The following VCPIP1 variants were observed in gnomAD, a reference collection of about 807,000 sequenced individuals.
VCPIP1 encodes the protein valosin containing protein interacting protein 1.
Under a neutral mutation model 85.0 loss-of-function variants are expected in VCPIP1, and 8 were observed. That is an observed-to-expected ratio of 0.09 (90% CI 0.06 to 0.17). VCPIP1 has a LOEUF of 0.17. Ranked by LOEUF, VCPIP1 falls within the 10% of genes least tolerant of loss-of-function variation. The pLI, the probability that VCPIP1 is intolerant of heterozygous loss-of-function variation, is 1.00. For synonymous variants in VCPIP1, 543 were observed against 544.5 expected (o/e 1.00, Z 0.04); for missense variants, 1,070 against 1,486.3 (o/e 0.72, Z 4.61).
intron 2 of VCPIP1, among the ~76,000 whole-genome samples, chr8:66,650,741 T>C (rs1811044121): frequency 6.6e-6 from 1 of 151,728 alleles, no homozygotes; most frequent in Non-Finnish European, 1.5e-5. Flanking sequence ...TCTTTAGTTG[T>C]TAGGAATCAT....
Position 66,666,605 on chromosome 8 carries a change from C to T in VCPIP1, c.354G>A (p.Lys118=), listed in dbSNP as rs139606230. The change falls in exon 1 of 3, where the codon AAG becomes AAA. Residue 118 remains lysine (K), a synonymous_variant. Coordinates refer to ENST00000310421, the MANE Select transcript of VCPIP1 (RefSeq NM_025054.5). This position sits in a 1 kb window ranked among gnomAD's most constrained non-coding sequence, Gnocchi z 6.3. ...AGTGATAGTTGGAAAGGCCCATCAC[C>T]TTTACCAGTTCCGTGTTCTTCTTGG... The part of the protein sequence containing the change: ...GAPKKNTELV[K]VMGLSNYHCK... 4.3e-5 allele frequency: 69 copies of T among 1,614,186 alleles called. No individual in the cohort carries two copies. The highest frequency in any genetic ancestry group is 2.5e-4 in the East Asian group (11 of 44,878).
chr8:66,636,501 T>C (rs921578720), intron 2 of VCPIP1, among the ~76,000 whole-genome samples: 1 of 151,954 alleles, frequency 6.6e-6, no homozygotes, highest in African/African-American at 2.4e-5. Flanking sequence ...TCCCAGCACT[T>C]TGGGAGGCCA....
intron 2 of VCPIP1, among the ~76,000 whole-genome samples, chr8:66,638,936 T>TTCTCTCTCTCTCTCTCTCTCTCTCTC (rs750894538): frequency 3.0e-5 from 4 of 131,628 alleles, no homozygotes; most frequent in Admixed American, 7.7e-5. Flanking sequence ...CAAGAAAACT[T>TTCTCTCTCTCTCTCTCTCTCTCTCTC]TCTCTCTCTC....
chr8:66,662,063 G>A (rs1811163601), intron 1 of VCPIP1, among the ~76,000 whole-genome samples: 1 of 151,964 alleles, frequency 6.6e-6, no homozygotes, highest in Non-Finnish European at 1.5e-5. Context: ...CACCGTGACT[G>A]GCTCTGATCA....
chr8:66,637,930 C>A (rs944102295), intron 2 of VCPIP1, among the ~76,000 whole-genome samples: 3 of 152,150 alleles, frequency 2.0e-5, no homozygotes, highest in Non-Finnish European at 2.9e-5. Context: ...CAAGACCGTG[C>A]CATTGCACTC....
intron 2 of VCPIP1, among the ~76,000 whole-genome samples, chr8:66,639,520 A>C (rs1810927341): frequency 1.3e-5 from 2 of 151,000 alleles, no homozygotes; most frequent in African/African-American, 2.4e-5. Flanking sequence ...ATACACAACA[A>C]ATTTTTGCAT....
At chr8:66,640,218 A>G (rs1810933705) in intron 2 of VCPIP1, among the ~76,000 whole-genome samples, 2 of 152,222 alleles carry the variant, frequency 1.3e-5, no homozygotes, top group Admixed American at 1.3e-4. Context: ...GCTGTGTTAT[A>G]GTCAGAATTT....
rs1235296329 is a variant in VCPIP1 at position 66,664,406 on chromosome 8, T to C, written c.2553A>G (p.Leu851=). ...ACTGACCACCTTCAGCTTTACTTTT[T>C]AGAATTTCTATTGTAATTCTGTCGC... ...QHGDRITIEI[L]KSKAEGGQSA... Residue 851 remains leucine (L), a synonymous_variant, in exon 1 of 3, where the codon CTA becomes CTG. Transcript: ENST00000310421. The C allele has an allele frequency of 3.7e-6, 6 of 1,613,838 alleles. No individual in the cohort carries two copies. The Admixed American group carries it at 5.0e-5, about 13-fold the overall frequency.
intron 2 of VCPIP1, among the ~76,000 whole-genome samples, chr8:66,645,999 C>T (rs1289931089): frequency 6.6e-6 from 1 of 152,016 alleles, no homozygotes; most frequent in Non-Finnish European, 1.5e-5. Context: ...TATCAACTGT[C>T]CCCAATTTGA....
Position 66,664,448 on chromosome 8 carries a change from T to G in VCPIP1, c.2511A>C (p.Pro837=), listed in dbSNP as rs142431604. The change falls in exon 1 of 3, where the codon CCA becomes CCC. Residue 837 remains proline (P), a synonymous_variant. Coordinates refer to ENST00000310421, the MANE Select transcript of VCPIP1 (RefSeq NM_025054.5). ...MPPQAGMEKE[P]VPLQHGDRIT... ...TTCTGTCGCCATGCTGTAAAGGAAC[T>G]GGTTCCTTTTCCATTCCTGCCTGTG... 1 of 1,613,798 alleles carries G rather than the reference T, an allele frequency of 6.2e-7. No individual in the cohort carries two copies. Among genetic ancestry groups the G allele is most frequent in the Non-Finnish European group, 8.5e-7 (1 of 1,179,780 alleles).
intron 1 of VCPIP1, among the ~76,000 whole-genome samples, chr8:66,661,230 G>C (rs1425228699): frequency 6.6e-6 from 1 of 152,122 alleles, no homozygotes; most frequent in Non-Finnish European, 1.5e-5. Context: ...TTTTGTGTTG[G>C]TAGTGGAAGA....
chr8:66,656,931 A>C (rs1035337184), intron 1 of VCPIP1, among the ~76,000 whole-genome samples: 1 of 151,878 alleles, frequency 6.6e-6, no homozygotes, highest in Non-Finnish European at 1.5e-5. Context: ...TTTGAGACAG[A>C]ATCTTGCTCT....
Position 66,666,753 on chromosome 8 carries a change from T to G in VCPIP1, c.206A>C (p.Glu69Ala). Residue 69 changes from glutamate to alanine, a missense_variant, in exon 1 of 3, where the codon GAG becomes GCG. Glu to Ala is a moderately radical substitution (Grantham distance 107). Around this residue, in one of 8 missense-constraint regions of VCPIP1, gnomAD observed 164 missense variants for 158.6 expected, o/e 1.03. Coordinates refer to ENST00000310421, the MANE Select transcript of VCPIP1 (RefSeq NM_025054.5). The surrounding 1 kb of genome is among the most constrained non-coding windows in gnomAD (Gnocchi z 6.3). ...FFPASGSVSIECTECGQRHEQ... is the reference protein window; with the variant it reads ...FFPASGSVSIACTECGQRHEQ... ...GTGCCGCTGGCCGCACTCGGTACACTCGATGCTGACAGAACCGGAGGCCGG... is the reference window on the plus strand; with the variant it reads ...GTGCCGCTGGCCGCACTCGGTACACGCGATGCTGACAGAACCGGAGGCCGG... 6.2e-7 allele frequency: 1 copy of G among 1,613,930 alleles called. No individual in the cohort carries two copies. Among genetic ancestry groups the G allele is most frequent in the East Asian group, 2.2e-5 (1 of 44,870 alleles).
intron 2 of VCPIP1, among the ~76,000 whole-genome samples, chr8:66,636,358 A>G (rs1286646251): frequency 6.6e-6 from 1 of 152,116 alleles, no homozygotes; most frequent in African/African-American, 2.4e-5. Context: ...AGTATTACTT[A>G]CAATGAAACA....
Position 66,634,720 on chromosome 8 carries a change from A to C in VCPIP1, c.3450T>G (p.Ser1150=). The C allele has an allele frequency of 1.2e-6, 2 of 1,614,246 alleles. No individual in the cohort carries two copies. Among genetic ancestry groups the C allele is most frequent in the Non-Finnish European group, 1.7e-6 (2 of 1,180,040 alleles). Residue 1150 remains serine (S), a synonymous_variant, in exon 3 of 3, where the codon TCT becomes TCG. Coordinates refer to ENST00000310421, the MANE Select transcript of VCPIP1 (RefSeq NM_025054.5). ...KTEVVSSSAK[S]GSLQTGLPES... ...CAGGCAAACCAGTCTGAAGACTCCCAGACTTTGCAGAAGAACTCACAACTT... is the reference window on the plus strand; with the variant it reads ...CAGGCAAACCAGTCTGAAGACTCCCCGACTTTGCAGAAGAACTCACAACTT...
At chr8:66,646,947 C>T (rs1204463467) in intron 2 of VCPIP1, among the ~76,000 whole-genome samples, 2 of 152,090 alleles carry the variant, frequency 1.3e-5, no homozygotes, top group African/African-American at 4.8e-5. Flanking sequence ...ATCACTTGAA[C>T]CCAGGAGGCA....
chr8:66,656,998 C>T (rs776767076), intron 1 of VCPIP1, among the ~76,000 whole-genome samples: 29 of 152,186 alleles, frequency 1.9e-4, no homozygotes, highest in Middle Eastern at 3.4e-3. Flanking sequence ...CTCCACTTCC[C>T]GGGTTCAAGC....
intron 1 of VCPIP1, 128 bp downstream of exon 1, chr8:66,664,121 T>C: frequency 8.3e-7 from 1 of 1,200,966 alleles, no homozygotes; most frequent in African/African-American, 1.5e-5. Context: ...CTAAAAATAA[T>C]TCTCTCCTGA....
intron 2 of VCPIP1, among the ~76,000 whole-genome samples, chr8:66,644,764 C>T (rs1177097041): frequency 6.7e-6 from 1 of 150,078 alleles, no homozygotes; most frequent in African/African-American, 2.5e-5. Flanking sequence ...CAAGGTCACA[C>T]ATGGGGTACA....
Sources: gnomAD v4.1 joint callset for allele counts (sites outside exome capture counted in the v4.1 genomes callset) on GRCh38, gnomAD v4.1.1 for gene constraint, gnomAD v4.1.1 regional missense constraint, Gnocchi (gnomAD v3.1) non-coding constraint, MANE v1.5 for transcripts, NCBI Gene and HGNC (gene_info 2026-07-23, HGNC 2026-07-21) for gene names.